The following DAB1 variants were observed in gnomAD, a reference collection of about 807,000 sequenced individuals.
The protein encoded by DAB1 is DAB adaptor protein 1.
In DAB1, 15 loss-of-function variants were observed where a neutral mutation model predicts 64.6. The ratio of observed to expected loss-of-function variants is 0.23; its 90% CI spans 0.16 to 0.36. The LOEUF is 0.36. Among genes scored for constraint, DAB1 ranks in the 10% least tolerant of loss-of-function variants. DAB1 has a pLI of 1.00. For missense variants in DAB1, 596 were observed against 706.7 expected (o/e 0.84, Z 1.78); for synonymous variants, 235 against 251.9 (o/e 0.93, Z 0.64).
At chr1:58,013,853 T>C (rs1646702746) in intron 5 of DAB1, among the ~76,000 whole-genome samples, 2 of 151,676 alleles carry the variant, frequency 1.3e-5, no homozygotes, top group Admixed American at 1.3e-4. Flanking sequence ...GGGCAAATCA[T>C]GGACTTTTAT....
intron 1 of DAB1, among the ~76,000 whole-genome samples, chr1:57,846,186 A>G (rs923187103): frequency 3.9e-5 from 6 of 152,222 alleles, no homozygotes; most frequent in African/African-American, 1.2e-4. Context: ...GTGGCCAGGC[A>G]TGGTGGCTCA....
At chr1:57,470,154 A>G (rs146829103) in intron 7 of DAB1, among the ~76,000 whole-genome samples, 106 of 152,300 alleles carry the variant, frequency 7.0e-4, no homozygotes, top group Admixed American at 1.4e-3. Context: ...TCACCCCACT[A>G]GAACTTGGTC....
chr1:57,050,972 A>C (rs749770160), intron 9 of DAB1, among the ~76,000 whole-genome samples: 14 of 152,222 alleles, frequency 9.2e-5, no homozygotes, highest in Non-Finnish European at 1.8e-4. Context: ...TAGGTATGTG[A>C]GCTCAAGCCC....
chr1:57,992,742 G>T (rs771578669), intron 5 of DAB1, among the ~76,000 whole-genome samples: 1 of 151,944 alleles, frequency 6.6e-6, no homozygotes, highest in Non-Finnish European at 1.5e-5. Context: ...TTGAATCCTT[G>T]TGGTGGTGTT....
chr1:57,874,680 G>T (rs1355099671), intron 1 of DAB1, among the ~76,000 whole-genome samples: 15 of 152,248 alleles, frequency 9.9e-5, no homozygotes, highest in Admixed American at 9.8e-4. Flanking sequence ...TAACCTGTGA[G>T]TCAAAGCCCT....
chr1:57,882,843 T>C (rs537134791), intron 1 of DAB1, among the ~76,000 whole-genome samples: 4 of 152,178 alleles, frequency 2.6e-5, no homozygotes, highest in Non-Finnish European at 5.9e-5. Flanking sequence ...CTGTCAGCAC[T>C]GTGGTAGCTA....
chr1:57,171,071 G>A (rs1661707685), intron 2 of DAB1, among the ~76,000 whole-genome samples: 2 of 152,130 alleles, frequency 1.3e-5, no homozygotes, highest in African/African-American at 4.8e-5. Context: ...AATCTCCCCA[G>A]AGTCAATGGA....
chr1:57,090,766 G>T (rs1029125098), intron 4 of DAB1, among the ~76,000 whole-genome samples: 9 of 152,022 alleles, frequency 5.9e-5, no homozygotes, highest in Non-Finnish European at 1.3e-4. Context: ...CTAAAACAGA[G>T]GTCCCCAACC....
chr1:58,198,588 T>G (rs980252951), intron 4 of DAB1, among the ~76,000 whole-genome samples: 1 of 152,174 alleles, frequency 6.6e-6, no homozygotes, highest in Non-Finnish European at 1.5e-5. Flanking sequence ...GTAACCAACC[T>G]CTTCTATATT....
chr1:57,116,480 A>AG (rs1553144209), intron 4 of DAB1, among the ~76,000 whole-genome samples: 1 of 131,322 alleles, frequency 7.6e-6, no homozygotes, highest in African/African-American at 2.7e-5. Flanking sequence ...AAAAAAAAAA[A>AG]AAAGAAAGAA....
At chr1:57,114,853 C>T (rs139483129) in intron 4 of DAB1, among the ~76,000 whole-genome samples, 3 of 152,274 alleles carry the variant, frequency 2.0e-5, no homozygotes, top group Non-Finnish European at 4.4e-5. Flanking sequence ...TGAATTCAGA[C>T]CATCTGGGTT....
At position 57,286,732 on chromosome 1, in the gene DAB1, T is replaced by C. The variant is rs575907810; in HGVS notation, c.67+4232A>G. 3.9e-5 allele frequency among the ~76,000 whole-genome samples: 6 copies of C among 152,270 alleles called. No individual in the cohort carries two copies. The South Asian group carries it at 1.2e-3, about 32-fold the overall frequency. On this transcript the variant is annotated intron_variant, in intron 2 of 14. Transcript: ENST00000371236. ...TGATAAAAATCATTATATGAGAATA[T>C]AACATTAACTAATACCAGACACAAG...
At chr1:57,841,058 A>T (rs1378578172) in intron 1 of DAB1, among the ~76,000 whole-genome samples, 1 of 152,250 alleles carries the variant, frequency 6.6e-6, no homozygotes, top group Non-Finnish European at 1.5e-5. Context: ...CTTCCAAGAT[A>T]CAATGGGGGT....
chr1:58,439,697 CA>C (rs1171095760), intron 3 of DAB1, among the ~76,000 whole-genome samples: 1 of 152,162 alleles, frequency 6.6e-6, no homozygotes, highest in African/African-American at 2.4e-5. Flanking sequence ...ATAATTTGTC[CA>C]GGACCACACA....
intron 2 of DAB1, among the ~76,000 whole-genome samples, chr1:57,187,548 C>T (rs1663692050): frequency 6.6e-6 from 1 of 152,194 alleles, no homozygotes; most frequent in African/African-American, 2.4e-5. Flanking sequence ...CAGGTGGCTA[C>T]TGCTCTGACA....
Position 56,995,512 on chromosome 1 carries a change from A to C in DAB1, c.*2632T>G, listed in dbSNP as rs1221663376. The C allele has an allele frequency of 1.3e-5, 2 of 152,236 alleles. No individual in the cohort carries two copies. The highest frequency in any genetic ancestry group is 2.9e-5 in the Non-Finnish European group (2 of 68,050). 9.4% of individuals were successfully genotyped at this position (152,236 alleles called of 1,614,324 possible). On this transcript the variant is annotated 3_prime_UTR_variant, in exon 15 of 15. Coordinates refer to ENST00000371236, the MANE Select transcript of DAB1 (RefSeq NM_001365792.1). ...ATCTATCTTCTTGAAGTTCAGAGCC[A>C]GTTACATTTTCAATCATGTTCAATG...
intron 6 of DAB1, among the ~76,000 whole-genome samples, chr1:57,746,782 G>T (rs1464811339): frequency 6.6e-6 from 1 of 151,828 alleles, no homozygotes; most frequent in Non-Finnish European, 1.5e-5. Context: ...TTGTTATATT[G>T]TTATTCCTTC....
At chr1:58,118,620 AT>A (rs1374809295) in intron 5 of DAB1, among the ~76,000 whole-genome samples, 130 of 135,904 alleles carry the variant, frequency 9.6e-4, no homozygotes, top group African/African-American at 3.6e-3. Context: ...ATATATATAT[AT>A]AAAATACATA....
At chr1:58,381,999 A>G (rs1644394642) in intron 3 of DAB1, among the ~76,000 whole-genome samples, 1 of 151,284 alleles carries the variant, frequency 6.6e-6, no homozygotes, top group African/African-American at 2.4e-5. Flanking sequence ...GTAGATAGAT[A>G]CTAAAGAAAG....
Sources: gnomAD v4.1 joint callset for allele counts (sites outside exome capture counted in the v4.1 genomes callset) on GRCh38, gnomAD v4.1.1 for gene constraint, MANE v1.5 for transcripts, NCBI Gene and HGNC (gene_info 2026-07-23, HGNC 2026-07-21) for gene names.